FRMD4A: variants seen among roughly 807,000 people sequenced by gnomAD.
FRMD4A encodes the protein FERM domain-containing protein 4A.
FRMD4A carries 29 observed loss-of-function variants against 129.1 expected under a neutral mutation model. The observed-to-expected ratio is 0.22, with a 90% CI of 0.17 to 0.31. The LOEUF is 0.31. Ranked by LOEUF, FRMD4A falls within the 10% of genes least tolerant of loss-of-function variation. The pLI, the probability that FRMD4A is intolerant of heterozygous loss-of-function variation, is 1.00. For missense variants in FRMD4A, 1,272 were observed against 1,375.8 expected (o/e 0.92, Z 1.19); for synonymous variants, 634 against 571.6 (o/e 1.11, Z -1.56).
Position 13,669,349 on chromosome 10 carries a change from C to T in FRMD4A, c.1374+1057G>A, listed in dbSNP as rs1316822696. Among the ~76,000 whole-genome samples, 7 of 152,254 alleles carry T rather than the reference C, an allele frequency of 4.6e-5. No homozygotes were observed. The South Asian group carries it at 6.2e-4, about 14-fold the overall frequency. On this transcript the variant is annotated intron_variant, in intron 17 of 24. Coordinates refer to ENST00000357447, the MANE Select transcript of FRMD4A (RefSeq NM_018027.5). The stretch of plus-strand genomic sequence containing the variant: ...AGTGCTGGGATTTTGCAGCGAAAGG[C>T]GTGGGCCACCACGCCCGGCCACATG...
intron 4 of FRMD4A, among the ~76,000 whole-genome samples, chr10:13,800,531 T>TGAGA (rs139515898): frequency 3.3e-5 from 5 of 151,366 alleles, no homozygotes; most frequent in African/African-American, 9.7e-5. Context: ...AAGGAGGACC[T>TGAGA]GAGAGAGAGA....
chr10:13,876,317 G>A (rs959023259), intron 2 of FRMD4A, among the ~76,000 whole-genome samples: 6 of 152,176 alleles, frequency 3.9e-5, no homozygotes, highest in African/African-American at 1.2e-4. Context: ...ATGTGGTTTG[G>A]TGAAACAAAT....
chr10:14,008,709 C>G (rs556661517), intron 2 of FRMD4A, among the ~76,000 whole-genome samples: 2 of 152,300 alleles, frequency 1.3e-5, no homozygotes, highest in Non-Finnish European at 2.9e-5. Context: ...TGATTTCACT[C>G]CCTTCTGAAC....
At chr10:13,989,458 C>A (rs573972066) in intron 2 of FRMD4A, among the ~76,000 whole-genome samples, 1 of 152,046 alleles carries the variant, frequency 6.6e-6, no homozygotes, top group Non-Finnish European at 1.5e-5. Flanking sequence ...CGGGTTCAAG[C>A]GATTCTCCTG....
intron 2 of FRMD4A, among the ~76,000 whole-genome samples, chr10:14,012,166 G>A (rs778054711): frequency 1.3e-5 from 2 of 151,722 alleles, no homozygotes; most frequent in East Asian, 3.9e-4. Flanking sequence ...GGAGTTGAGG[G>A]GGGAAAGATG....
chr10:13,975,503 A>G (rs1001976276), intron 2 of FRMD4A, among the ~76,000 whole-genome samples: 6 of 150,586 alleles, frequency 4.0e-5, no homozygotes. Flanking sequence ...CTGTGTATGC[A>G]TCTATGTATG....
chr10:14,214,373 G>A (rs929463750), intron 2 of FRMD4A, among the ~76,000 whole-genome samples: 3 of 152,134 alleles, frequency 2.0e-5, no homozygotes, highest in African/African-American at 7.2e-5. Flanking sequence ...GCTGACATTG[G>A]ATCTAGCTTT....
rs1226092870 is a variant in FRMD4A at position 14,087,234 on chromosome 10, TATATA to T, written c.46-228327_46-228323del. On this transcript the variant is annotated intron_variant, in intron 2 of 24. Transcript: ENST00000357447. ...ATAGGATTATAAATTATATATTAAT[TATATA>T]ATATAAAAATTATATTTATAAAATT... Among the ~76,000 whole-genome samples, 9 of 147,558 alleles carry T rather than the reference TATATA, an allele frequency of 6.1e-5. No individual in the cohort carries two copies. The Admixed American group carries it at 6.1e-4, about 10-fold the overall frequency.
chr10:14,263,691 C>T (rs1392220414), intron 2 of FRMD4A, among the ~76,000 whole-genome samples: 6 of 152,204 alleles, frequency 3.9e-5, no homozygotes, highest in East Asian at 3.9e-4. Context: ...TAAGCTCCTT[C>T]GTGTTGCAGG....
chr10:13,663,410 A>C (rs2082786142), intron 19 of FRMD4A, 43 bp downstream of exon 19: 2 of 1,038,964 alleles, frequency 1.9e-6, no homozygotes, highest in Non-Finnish European at 3.1e-6. Flanking sequence ...ATCTCTGTTT[A>C]CTCTGAGCTG....
chr10:13,775,085 T>C (rs1194455283), intron 6 of FRMD4A, among the ~76,000 whole-genome samples: 1 of 151,784 alleles, frequency 6.6e-6, no homozygotes, highest in African/African-American at 2.4e-5. Context: ...GAGAGACAAG[T>C]ATAGGAGTGG....
chr10:13,867,559 C>T (rs1220146550), intron 2 of FRMD4A, among the ~76,000 whole-genome samples: 1 of 142,662 alleles, frequency 7.0e-6, no homozygotes, highest in Non-Finnish European at 1.5e-5. Flanking sequence ...CCACTTTCAG[C>T]CCATATAGAT....
At chr10:14,169,101 T>C (rs1841341627) in intron 2 of FRMD4A, among the ~76,000 whole-genome samples, 1 of 59,754 alleles carries the variant, frequency 1.7e-5, no homozygotes, top group Non-Finnish European at 3.2e-5. Flanking sequence ...CTGGTTTTAT[T>C]GGCTTTATGG....
In FRMD4A at chr10:13,782,940, C is replaced by T. The variant is rs766628745; in HGVS notation, c.366G>A (p.Ala122=). 2.0e-5 allele frequency: 29 copies of T among 1,466,498 alleles called. No homozygotes were observed. The highest frequency in any genetic ancestry group is 1.7e-4 in the Middle Eastern group (1 of 5,796). 90.8% of individuals were successfully genotyped at this position (1,466,498 alleles called of 1,614,324 possible). The change falls in exon 6 of 25, where the codon GCG becomes GCA. Residue 122 remains alanine, a synonymous_variant. Transcript: ENST00000357447. ...TTCCTACCTTGTAGATGCAGGACTT[C>T]GCGTTCAGAAAGAAAAGCTCAATGG... ...NATIELFFLN[A]KSCIYKELID... is the part of the protein sequence containing the mutation.
chr10:13,891,965 ACCGCGCGCCACCG>A (rs2094703678), intron 2 of FRMD4A, among the ~76,000 whole-genome samples: 1 of 144,644 alleles, frequency 6.9e-6, no homozygotes, highest in Non-Finnish European at 1.5e-5. Flanking sequence ...CTAGGCGGCC[ACCGCGCGCCACCG>A]CCGCCGCCAC....
At chr10:14,189,675 G>GA (rs1325700448) in intron 2 of FRMD4A, among the ~76,000 whole-genome samples, 1 of 151,988 alleles carries the variant, frequency 6.6e-6, no homozygotes, top group Admixed American at 6.6e-5. Context: ...CTCCTATAAA[G>GA]AAAAAAATAA....
chr10:13,759,541 A>T (rs1369706990), intron 8 of FRMD4A, among the ~76,000 whole-genome samples: 1 of 152,220 alleles, frequency 6.6e-6, no homozygotes, highest in African/African-American at 2.4e-5. Flanking sequence ...AAATGTGAGT[A>T]AGTAGACTAG....
chr10:14,199,496 T>A (rs1842570857), intron 2 of FRMD4A, among the ~76,000 whole-genome samples: 1 of 151,660 alleles, frequency 6.6e-6, no homozygotes, highest in African/African-American at 2.4e-5. Flanking sequence ...CTCAAGCAAT[T>A]CTCCTGTCTC....
At chr10:13,660,672 C>T (rs575849924) in intron 19 of FRMD4A, 119 bp from the exon 20 acceptor site, 96 of 644,602 alleles carry the variant, frequency 1.5e-4, no homozygotes, top group Non-Finnish European at 4.1e-5. Context: ...CACACCTTCA[C>T]CCCTGTGATG....
Sources: allele counts gnomAD v4.1 joint callset (sites outside exome capture counted in the v4.1 genomes callset), GRCh38; gene constraint gnomAD v4.1.1; transcripts MANE v1.5; gene names NCBI Gene and HGNC (gene_info 2026-07-23, HGNC 2026-07-21).